Variants in TTLL5 observed in about 807,000 individuals in gnomAD.
TTLL5 encodes the protein tubulin polyglutamylase TTLL5.
Under a neutral mutation model 168.4 loss-of-function variants are expected in TTLL5, and 132 were observed. The ratio of observed to expected loss-of-function variants is 0.78; its 90% CI spans 0.68 to 0.91. The LOEUF is 0.91. Ranked by LOEUF, TTLL5 falls within the 40% of genes least tolerant of loss-of-function variation. The probability of loss-of-function intolerance (pLI) is 0.00; values close to 1 mark genes in which losing one functional copy is unlikely to be tolerated. For synonymous variants in TTLL5, 546 were observed against 558.6 expected (o/e 0.98, Z 0.32); for missense variants, 1,545 against 1,581.5 (o/e 0.98, Z 0.39).
intron 24 of TTLL5, among the ~76,000 whole-genome samples, chr14:75,781,721 G>GAGGC (rs1892061357): frequency 1.3e-5 from 2 of 152,118 alleles, no homozygotes; most frequent in East Asian, 3.9e-4. Flanking sequence ...TTGGGAAGCT[G>GAGGC]AGGCAGGTGG....
chr14:75,810,778 T>A lies in TTLL5; in HGVS notation c.3172-9229T>A, dbSNP rs1445955250. On this transcript the variant is annotated intron_variant, in intron 27 of 31. Transcript: ENST00000298832. ...GTTTGAGTCCATTGCAAATGGTTTC[T>A]TAGGCCTTTGCAGTTTCAGGGGCAT... Among the ~76,000 whole-genome samples the A allele has an allele frequency of 3.9e-5, 6 of 152,224 alleles. No homozygotes were observed. In the East Asian group the frequency reaches 1.2e-3, roughly 29 times the overall value.
chr14:75,803,860 T>C (rs976392121), intron 27 of TTLL5, among the ~76,000 whole-genome samples: 25 of 152,162 alleles, frequency 1.6e-4, no homozygotes, highest in African/African-American at 6.0e-4. Flanking sequence ...TGTGGTGAAT[T>C]AGCCCAGCTT....
chr14:75,894,554 C>CA (rs950423871), intron 30 of TTLL5, among the ~76,000 whole-genome samples: 10 of 150,038 alleles, frequency 6.7e-5, no homozygotes, highest in South Asian at 4.2e-4. Context: ...GACTCTGTCT[C>CA]AAAAAAAAGC....
intron 29 of TTLL5, among the ~76,000 whole-genome samples, chr14:75,880,922 C>A (rs550843592): frequency 6.6e-6 from 1 of 151,988 alleles, no homozygotes; most frequent in East Asian, 1.9e-4. Context: ...CTCTTCCCCC[C>A]GCTTTTTTTG....
At chr14:75,801,622 T>C (rs756713643) in intron 27 of TTLL5, among the ~76,000 whole-genome samples, 10 of 152,190 alleles carry the variant, frequency 6.6e-5, no homozygotes, top group Non-Finnish European at 1.5e-4. Context: ...CCTCTGTATT[T>C]TGTGTTGCAA....
At chr14:75,901,054 A>T (rs939126203) in intron 30 of TTLL5, among the ~76,000 whole-genome samples, 2 of 152,252 alleles carry the variant, frequency 1.3e-5, no homozygotes, top group Non-Finnish European at 2.9e-5. Context: ...AGAACTGAGC[A>T]TGTTGAAAGC....
intron 21 of TTLL5, among the ~76,000 whole-genome samples, chr14:75,774,661 C>T (rs1233296776): frequency 6.6e-6 from 1 of 152,018 alleles, no homozygotes; most frequent in Non-Finnish European, 1.5e-5. Context: ...CTTCAGTTGG[C>T]CTCCATGGCA....
At chr14:75,735,643 A>C (rs1050806726) in intron 15 of TTLL5, among the ~76,000 whole-genome samples, 10 of 152,150 alleles carry the variant, frequency 6.6e-5, no homozygotes, top group African/African-American at 2.4e-4. Context: ...ATTCTTTCTG[A>C]TCTTCAGACT....
chr14:75,752,755 C>T, intron 17 of TTLL5, 138 bp from the exon 18 acceptor site: 1 of 588,698 alleles, frequency 1.7e-6, no homozygotes, highest in Non-Finnish European at 2.8e-6. Flanking sequence ...TTTCCTTTGC[C>T]ACTTTAGAAA....
intron 5 of TTLL5, among the ~76,000 whole-genome samples, chr14:75,688,169 A>G (rs1594872221): frequency 6.6e-6 from 1 of 152,266 alleles, no homozygotes; most frequent in Non-Finnish European, 1.5e-5. Context: ...GGGATTGGTT[A>G]CAAGAAAAGA....
intron 31 of TTLL5, chr14:75,904,007 C>G: frequency 4.6e-6 from 4 of 866,462 alleles, no homozygotes; most frequent in Non-Finnish European, 5.8e-6. Flanking sequence ...AGGGAAGGCG[C>G]TATAACTACT....
At position 75,935,952 on chromosome 14, in the gene TTLL5, AGAGAAAACCCTT is replaced by A. The variant is rs550138246; in HGVS notation, c.3824-18469_3824-18458del. Among the ~76,000 whole-genome samples the A allele has an allele frequency of 4.5e-4, 69 of 152,356 alleles. No homozygotes were observed. In the South Asian group the frequency reaches 7.2e-3, roughly 16 times the overall value. ...CACACAAATAGGAACAGTTTTTAAA[AGAGAAAACCCTT>A]GAAGAAATGACACTTAAGTTATGGC... On this transcript the variant is annotated intron_variant, in intron 31 of 31. Coordinates refer to ENST00000298832, the MANE Select transcript of TTLL5 (RefSeq NM_015072.5).
Position 75,663,159 on chromosome 14 carries a change from G to C in TTLL5, c.10G>C (p.Val4Leu). 1 of 1,613,684 alleles carries C rather than the reference G, an allele frequency of 6.2e-7. No individual in the cohort carries two copies. MPI[V>L]MARDLEETAS... Reference sequence around the variant, plus strand: ...ACAAACCCTAAAGGAAATGCCAATCGTGATGGCCCGGGACCTGGAGGAAAC... The same window carrying C: ...ACAAACCCTAAAGGAAATGCCAATCCTGATGGCCCGGGACCTGGAGGAAAC... The change falls in exon 2 of 32, where the codon GTG (valine) becomes CTG (leucine). Residue 4 changes from valine (V) to leucine (L), a missense_variant. Val to Leu is a conservative substitution (Grantham distance 32). Transcript: ENST00000298832.
At position 75,825,142 on chromosome 14, in the gene TTLL5, A is replaced by G. The variant is rs146280278; in HGVS notation, c.3326+4981A>G. Among the ~76,000 whole-genome samples the G allele has an allele frequency of 5.6e-3, 857 of 152,320 alleles. 23 individuals are homozygous for G. Among genetic ancestry groups the G allele is most frequent in the Admixed American group, 0.053 (805 of 15,288 alleles). ...CTGAGTTGTGTATGTGAAAGTGGCC[A>G]GCATGGTTTTTACTTTTTACTTTTT... On this transcript the variant is annotated intron_variant, in intron 28 of 31. Coordinates refer to ENST00000298832, the MANE Select transcript of TTLL5 (RefSeq NM_015072.5).
At chr14:75,856,580 T>TTC (rs1897138294) in intron 28 of TTLL5, among the ~76,000 whole-genome samples, 1 of 152,110 alleles carries the variant, frequency 6.6e-6, no homozygotes, top group African/African-American at 2.4e-5. Flanking sequence ...ATTAGATTTA[T>TTC]TCTTAGGTAT....
intron 29 of TTLL5, among the ~76,000 whole-genome samples, chr14:75,873,175 G>A (rs973065738): frequency 3.3e-5 from 5 of 150,244 alleles, no homozygotes; most frequent in African/African-American, 1.2e-4. Flanking sequence ...CCGGGTTCAC[G>A]CCATTCTCCT....
At chr14:75,855,130 C>A (rs1481527053) in intron 28 of TTLL5, among the ~76,000 whole-genome samples, 1 of 143,352 alleles carries the variant, frequency 7.0e-6, no homozygotes, top group African/African-American at 2.6e-5. Flanking sequence ...ACCTTTCCTG[C>A]CACCAGAGGT....
At position 75,943,461 on chromosome 14, in the gene TTLL5, A is replaced by G. The variant is rs138587988; in HGVS notation, c.3824-10963A>G. On this transcript the variant is annotated intron_variant, in intron 31 of 31. Transcript: ENST00000298832. ...GTGCTAAATGGAGTGGAGAAGGGGA[A>G]TCTCCCCTGGTAATTTATAACCACA... 2.8e-3 allele frequency among the ~76,000 whole-genome samples: 434 copies of G among 152,284 alleles called. 3 individuals carry two copies. The highest frequency in any genetic ancestry group is 0.01 in the African/African-American group (423 of 41,538).
intron 21 of TTLL5, among the ~76,000 whole-genome samples, chr14:75,773,925 T>TAGAGAGAGAG (rs1341418983): frequency 9.9e-4 from 26 of 26,264 alleles, no homozygotes; most frequent in Non-Finnish European, 1.3e-3. Flanking sequence ...TATATATATA[T>TAGAGAGAGAG]ATAGAGAGAG....
Sources: gnomAD v4.1 joint callset for allele counts (sites outside exome capture counted in the v4.1 genomes callset) on GRCh38, gnomAD v4.1.1 for gene constraint, MANE v1.5 for transcripts, NCBI Gene and HGNC (gene_info 2026-07-23, HGNC 2026-07-21) for gene names.